Variants in STON2 observed in about 807,000 individuals in gnomAD.
STON2 encodes stonin-2.
STON2 carries 29 observed loss-of-function variants against 65.7 expected under a neutral mutation model. The ratio of observed to expected loss-of-function variants is 0.44; its 90% CI spans 0.33 to 0.60. The LOEUF (loss-of-function observed/expected upper bound fraction) is 0.60. Among genes scored for constraint, STON2 ranks in the 20% least tolerant of loss-of-function variants. STON2 has a pLI of 0.03. For missense variants in STON2, 1,054 were observed against 1,118.1 expected, an observed-to-expected ratio of 0.94 and a Z score of 0.82; for synonymous variants, 404 against 414.2, an observed-to-expected ratio of 0.98 and a Z score of 0.30.
intron 5 of STON2, among the ~76,000 whole-genome samples, chr14:81,290,405 G>C (rs1385680482): frequency 3.3e-5 from 5 of 152,174 alleles, no homozygotes; most frequent in African/African-American, 1.2e-4. Flanking sequence ...TATGGGCAAA[G>C]AAAGAGAGCT....
At chr14:81,390,084 C>G (rs1241126527) in intron 3 of STON2, among the ~76,000 whole-genome samples, 2 of 96,432 alleles carry the variant, frequency 2.1e-5, no homozygotes, top group East Asian at 8.8e-4. Context: ...TGATGGCACA[C>G]GCCGTAATCC....
intron 4 of STON2, among the ~76,000 whole-genome samples, chr14:81,356,062 G>T (rs1171467266): frequency 6.6e-6 from 1 of 152,190 alleles, no homozygotes; most frequent in Non-Finnish European, 1.5e-5. Context: ...GGAGTGGTGA[G>T]AGAGGGCATT....
At chr14:81,371,588 G>A (rs775783073) in intron 3 of STON2, among the ~76,000 whole-genome samples, 2 of 148,966 alleles carry the variant, frequency 1.3e-5, no homozygotes, top group Non-Finnish European at 3.0e-5. Flanking sequence ...CCAGCTACTC[G>A]GGAGGCTGAG....
chr14:81,269,477 A>G (rs926285355), intron 7 of STON2: 1 of 985,324 alleles, frequency 1.0e-6, no homozygotes, highest in Non-Finnish European at 1.2e-6. Flanking sequence ...CAGGCAAGGA[A>G]TTCTTTGAGC....
chr14:81,328,373 G>T (rs1034514208), intron 4 of STON2, among the ~76,000 whole-genome samples: 1 of 152,154 alleles, frequency 6.6e-6, no homozygotes, highest in Non-Finnish European at 1.5e-5. Context: ...TTTGCTCCCA[G>T]GTTCAATTAT....
At chr14:81,355,824 A>G (rs903802094) in intron 4 of STON2, among the ~76,000 whole-genome samples, 1 of 152,102 alleles carries the variant, frequency 6.6e-6, no homozygotes, top group African/African-American at 2.4e-5. Flanking sequence ...TTATTGGTGT[A>G]TAAGAATGCT....
chr14:81,394,403 C>T (rs1000092411), intron 3 of STON2, among the ~76,000 whole-genome samples: 1 of 151,992 alleles, frequency 6.6e-6, no homozygotes, highest in South Asian at 2.1e-4. Flanking sequence ...AATATATCAA[C>T]CCTGCTTTTT....
intron 5 of STON2, among the ~76,000 whole-genome samples, chr14:81,315,690 G>A (rs896808775): frequency 6.6e-6 from 1 of 152,228 alleles, no homozygotes; most frequent in Non-Finnish European, 1.5e-5. Flanking sequence ...TTTTTCTTAT[G>A]AGCTGGGTGC....
At chr14:81,363,071 C>T (rs763766863) in intron 4 of STON2, among the ~76,000 whole-genome samples, 11 of 152,132 alleles carry the variant, frequency 7.2e-5, no homozygotes, top group Non-Finnish European at 1.6e-4. Context: ...CAGCCTCCCA[C>T]AGTATACCAG....
At chr14:81,271,656 A>C (rs1001342666) in intron 6 of STON2, among the ~76,000 whole-genome samples, 2 of 152,230 alleles carry the variant, frequency 1.3e-5, no homozygotes, top group Non-Finnish European at 2.9e-5. Flanking sequence ...GGGTAACTCC[A>C]CTATACTCGT....
At chr14:81,270,448 T>G in intron 7 of STON2, 1 of 1,466,656 alleles carries the variant, frequency 6.8e-7, no homozygotes, top group Non-Finnish European at 9.0e-7. Context: ...TCCTCTTTGA[T>G]GAGCCTCTTT....
At chr14:81,369,557 C>A (rs1411068848) in intron 4 of STON2, among the ~76,000 whole-genome samples, 1 of 152,216 alleles carries the variant, frequency 6.6e-6, no homozygotes, top group Non-Finnish European at 1.5e-5. Context: ...CTTGTTTCAA[C>A]CCTGATGGCC....
Position 81,268,908 on chromosome 14 carries a change from T to C in STON2, c.2785-411A>G, listed in dbSNP as rs547969042. On this transcript the variant is annotated intron_variant, in intron 7 of 7. Transcript: ENST00000614646. Reference sequence around the variant, plus strand: ...GGGCAGGATCTTGTTCAATATTTTATGCAATAATGTAGGAATACAGTGGGC... The same window carrying C: ...GGGCAGGATCTTGTTCAATATTTTACGCAATAATGTAGGAATACAGTGGGC... Among the ~76,000 whole-genome samples, 24 of 152,368 alleles carry C rather than the reference T, an allele frequency of 1.6e-4. No homozygotes were observed. In the South Asian group the frequency reaches 4.6e-3, roughly 29 times the overall value.
chr14:81,292,600 T>C lies in STON2; in HGVS notation c.743-13861A>G, dbSNP rs1895602129. ...CTTCCTGCCACCATGTGAAGAAGGA[T>C]GTGTTTGGTTCCCCTTCCATCATGT... On this transcript the variant is annotated intron_variant, in intron 5 of 7. Coordinates refer to ENST00000614646, the MANE Select transcript of STON2 (RefSeq NM_001394390.1). Among the ~76,000 whole-genome samples, 2 of 152,210 alleles carry C rather than the reference T, an allele frequency of 1.3e-5. 1 individual carries two copies. Among genetic ancestry groups the C allele is most frequent in the Admixed American group, 1.3e-4 (2 of 15,282 alleles).
intron 4 of STON2, among the ~76,000 whole-genome samples, chr14:81,353,336 G>A (rs1484737088): frequency 6.6e-6 from 1 of 152,198 alleles, no homozygotes; most frequent in South Asian, 2.1e-4. Context: ...GTTTGGAAAT[G>A]AAGGTCTTCT....
chr14:81,406,166 G>T (rs979952490), intron 2 of STON2, among the ~76,000 whole-genome samples: 1 of 152,196 alleles, frequency 6.6e-6, no homozygotes, highest in South Asian at 2.1e-4. Flanking sequence ...TTGGGGCTCG[G>T]ATTGGATTCC....
intron 5 of STON2, among the ~76,000 whole-genome samples, chr14:81,307,707 A>G (rs1191664997): frequency 6.6e-6 from 1 of 152,266 alleles, no homozygotes; most frequent in African/African-American, 2.4e-5. Context: ...GAAGGAGACG[A>G]GGATGATAAT....
At chr14:81,377,473 C>T (rs1444948848) in intron 3 of STON2, among the ~76,000 whole-genome samples, 6 of 152,136 alleles carry the variant, frequency 3.9e-5, no homozygotes, top group African/African-American at 1.4e-4. Flanking sequence ...CTGCTATAAA[C>T]ATTTGTGTAC....
intron 4 of STON2, among the ~76,000 whole-genome samples, chr14:81,359,899 C>T (rs961001029): frequency 6.6e-6 from 1 of 152,054 alleles, no homozygotes; most frequent in African/African-American, 2.4e-5. Flanking sequence ...AAAAAACTTC[C>T]ATCAAAGAAA....
Sources: allele counts gnomAD v4.1 joint callset (sites outside exome capture counted in the v4.1 genomes callset), GRCh38; gene constraint gnomAD v4.1.1; transcripts MANE v1.5; gene names NCBI Gene and HGNC (gene_info 2026-07-23, HGNC 2026-07-21).